ADCY1: variants seen among roughly 807,000 people sequenced by gnomAD.
The protein encoded by ADCY1 is adenylate cyclase type 1.
In ADCY1, 28 loss-of-function variants were observed where a neutral mutation model predicts 105.4. The observed-to-expected ratio is 0.27, with a 90% confidence interval of 0.20 to 0.36. The LOEUF is 0.36. Ranked by LOEUF, ADCY1 falls within the 10% of genes least tolerant of loss-of-function variation. The pLI is 1.00. For synonymous variants in ADCY1, 655 were observed against 623.8 expected (o/e 1.05, Z -0.75); for missense variants, 977 against 1,434.2 (o/e 0.68, Z 5.15).
chr7:45,591,071 G>C lies in ADCY1; in HGVS notation c.640-1688G>C, dbSNP rs1792903289. Among the ~76,000 whole-genome samples the C allele has an allele frequency of 6.6e-6, 1 of 152,152 alleles. No homozygotes were observed. The highest frequency in any genetic ancestry group is 1.5e-5 in the Non-Finnish European group (1 of 68,022). On this transcript the variant is annotated intron_variant, in intron 1 of 19. Transcript: ENST00000297323. This position sits in a 1 kb window ranked among gnomAD's most constrained non-coding sequence, Gnocchi z 4.1. ...CCTCTTTGAGAGTGGCTCTGATGTT[G>C]TTTCCAGATTGCATGTGACCGTTGG... is the stretch of plus-strand genomic sequence containing the variant.
At chr7:45,597,453 C>A (rs1793108424) in intron 2 of ADCY1, among the ~76,000 whole-genome samples, 1 of 152,214 alleles carries the variant, frequency 6.6e-6, no homozygotes, top group Non-Finnish European at 1.5e-5. Context: ...TCTCAATTTC[C>A]TGGCTTATGA....
rs148810872 is a variant in ADCY1 at position 45,703,812 on chromosome 7, A to G, written c.2718+66A>G. 7.0e-4 allele frequency: 1,048 copies of G among 1,506,824 alleles called. 12 individuals are homozygous for G. The African/African-American group carries it at 0.013, about 18-fold the overall frequency. 93.3% of individuals were successfully genotyped at this position (1,506,824 alleles called of 1,614,324 possible). A position where few individuals can be genotyped will look rare whatever the true frequency, so the allele number is the denominator to read the frequency against. On this transcript the variant is annotated intron_variant, in intron 16 of 19. Transcript: ENST00000297323. The surrounding 1 kb of genome is among the most constrained non-coding windows in gnomAD (Gnocchi z 5.9). ...GTGGTGCATCCTGTTGCGTGGGCAGAGCGTGTCTCACAATATGTCACATTC... is the reference window on the plus strand; with the variant it reads ...GTGGTGCATCCTGTTGCGTGGGCAGGGCGTGTCTCACAATATGTCACATTC...
chr7:45,674,188 A>G (rs1784415169), intron 8 of ADCY1, among the ~76,000 whole-genome samples: 1 of 151,728 alleles, frequency 6.6e-6, no homozygotes. Context: ...GTTTTGTTTT[A>G]TGGCCAAGGT....
At chr7:45,711,918 A>ATTTATATTATATTAAATATATAAATATAT (rs563184285) in intron 19 of ADCY1, among the ~76,000 whole-genome samples, 6 of 109,760 alleles carry the variant, frequency 5.5e-5, no homozygotes, top group Non-Finnish European at 1.1e-4. Flanking sequence ...ATATAAATAT[A>ATTTATATTATATTAAATATATAAATATAT]TTATATATTA....
chr7:45,599,818 G>A (rs1424250528), intron 2 of ADCY1, among the ~76,000 whole-genome samples: 1 of 152,162 alleles, frequency 6.6e-6, no homozygotes, highest in Non-Finnish European at 1.5e-5. Context: ...TAGAAACGGG[G>A]TTTCACCATG....
chr7:45,632,701 C>T (rs1047318905), intron 4 of ADCY1, among the ~76,000 whole-genome samples: 14 of 151,950 alleles, frequency 9.2e-5, no homozygotes, highest in African/African-American at 1.4e-4. Flanking sequence ...GTAGCTGGGA[C>T]GACAGGCACA....
intron 14 of ADCY1, among the ~76,000 whole-genome samples, chr7:45,687,553 G>T (rs1407594568): frequency 6.6e-6 from 1 of 152,164 alleles, no homozygotes; most frequent in African/African-American, 2.4e-5. Flanking sequence ...TGGGAAAATT[G>T]CTCCTCCTAG....
intron 10 of ADCY1, among the ~76,000 whole-genome samples, chr7:45,678,889 A>T (rs200489105): frequency 6.7e-6 from 1 of 149,728 alleles, no homozygotes; most frequent in African/African-American, 2.4e-5. Context: ...TTGTCTCTAA[A>T]AATAATAATA....
At chr7:45,656,229 G>A (rs1794939751) in intron 5 of ADCY1, among the ~76,000 whole-genome samples, 1 of 152,114 alleles carries the variant, frequency 6.6e-6, no homozygotes, top group African/African-American at 2.4e-5. Context: ...TGTGAACCCG[G>A]GAGGCGGAGC....
chr7:45,622,157 A>C (rs966414267), intron 3 of ADCY1, among the ~76,000 whole-genome samples: 1 of 152,080 alleles, frequency 6.6e-6, no homozygotes, highest in Non-Finnish European at 1.5e-5. Context: ...CTCCCTTTTC[A>C]TTGTGAAGCA....
At chr7:45,579,342 C>CCCAA (rs1792450022) in intron 1 of ADCY1, among the ~76,000 whole-genome samples, 1 of 152,102 alleles carries the variant, frequency 6.6e-6, no homozygotes, top group South Asian at 2.1e-4. Context: ...CCTCTGCTGG[C>CCCAA]CCTACCTCCC....
chr7:45,597,468 A>G (rs1247021279), intron 2 of ADCY1, among the ~76,000 whole-genome samples: 1 of 152,204 alleles, frequency 6.6e-6, no homozygotes, highest in African/African-American at 2.4e-5. Context: ...TTATGATGCC[A>G]GTGTTGGCTT....
At chr7:45,685,401 G>A (rs1784645721) in intron 12 of ADCY1, among the ~76,000 whole-genome samples, 1 of 151,984 alleles carries the variant, frequency 6.6e-6, no homozygotes, top group Non-Finnish European at 1.5e-5. Flanking sequence ...ATGGAGCTGG[G>A]GCTTGGAGTG....
chr7:45,577,500 C>G (rs924625363), intron 1 of ADCY1, among the ~76,000 whole-genome samples: 3 of 152,178 alleles, frequency 2.0e-5, no homozygotes, highest in African/African-American at 7.2e-5. Flanking sequence ...AGACAGCACA[C>G]GCATTTACAC....
At chr7:45,654,024 T>C (rs1333037662) in intron 5 of ADCY1, among the ~76,000 whole-genome samples, 1 of 152,204 alleles carries the variant, frequency 6.6e-6, no homozygotes, top group Non-Finnish European at 1.5e-5. Flanking sequence ...GGAGAAACAG[T>C]GTTTGCATCT....
At chr7:45,707,552 G>T (rs1785145242) in intron 17 of ADCY1, among the ~76,000 whole-genome samples, 1 of 152,186 alleles carries the variant, frequency 6.6e-6, no homozygotes, top group Admixed American at 6.5e-5. Flanking sequence ...CAGCAGGGAG[G>T]ATTTTCAGGG....
At chr7:45,681,256 C>T (rs1430735314) in intron 11 of ADCY1, among the ~76,000 whole-genome samples, 3 of 152,190 alleles carry the variant, frequency 2.0e-5, no homozygotes, top group South Asian at 4.1e-4. Flanking sequence ...GCCCTCATGG[C>T]TGGGAACTTT....
At chr7:45,707,202 G>A (rs1785138359) in intron 17 of ADCY1, among the ~76,000 whole-genome samples, 1 of 152,030 alleles carries the variant, frequency 6.6e-6, no homozygotes, top group Non-Finnish European at 1.5e-5. Flanking sequence ...TTGCACTTTT[G>A]GTATATATCC....
At chr7:45,593,424 C>T (rs140035547) in intron 2 of ADCY1, among the ~76,000 whole-genome samples, 38 of 152,296 alleles carry the variant, frequency 2.5e-4, no homozygotes, top group African/African-American at 7.7e-4. Context: ...CTCCAGTGGC[C>T]GGCATCACCC....
Sources: gnomAD v4.1 joint callset for allele counts (sites outside exome capture counted in the v4.1 genomes callset) on GRCh38, gnomAD v4.1.1 for gene constraint, Gnocchi (gnomAD v3.1) non-coding constraint, MANE v1.5 for transcripts, NCBI Gene and HGNC (gene_info 2026-07-23, HGNC 2026-07-21) for gene names.